LPAR5: variants seen among roughly 807,000 people sequenced by gnomAD.
The protein encoded by LPAR5 is lysophosphatidic acid receptor 5.
For synonymous variants in LPAR5, 271 were observed against 261.6 expected, an observed-to-expected ratio of 1.04 and a Z score of -0.35; for missense variants, 544 against 521.8, an observed-to-expected ratio of 1.04 and a Z score of -0.41.
rs552624705 is a variant in LPAR5 at position 6,619,581 on chromosome 12, T to C, written c.*549A>G. On this transcript the variant is annotated 3_prime_UTR_variant, in exon 2 of 2. Coordinates refer to ENST00000329858, the MANE Select transcript of LPAR5 (RefSeq NM_020400.6). ...CCAAGTCTAAATTGTCACAAGTCAC[T>C]ATGCGAGAAAGAATGTAGTTCTGTC... 4.2e-4 allele frequency: 82 copies of C among 193,962 alleles called. 1 individual carries two copies. Among genetic ancestry groups the C allele is most frequent in the Admixed American group, 9.8e-4 (18 of 18,318 alleles). The allele number at this position is 193,962 out of a possible 1,614,324, so 12.0% of individuals were successfully genotyped here.
At position 6,620,503 on chromosome 12, in the gene LPAR5, G is replaced by A; in HGVS notation, c.746C>T (p.Pro249Leu). 6.3e-7 allele frequency: 1 copy of A among 1,586,176 alleles called. No homozygotes were observed. Among genetic ancestry groups the A allele is most frequent in the Non-Finnish European group, 8.6e-7 (1 of 1,166,452 alleles). Residue 249 changes from proline (P) to leucine (L), a missense_variant, in exon 2 of 2, where the codon CCC (proline) becomes CTC (leucine). Coordinates refer to ENST00000329858, the MANE Select transcript of LPAR5 (RefSeq NM_020400.6). This position sits in a 1 kb window ranked among gnomAD's most constrained non-coding sequence, Gnocchi z 6.8. ...GTAGACCGCCAGCGTGCTGTTGTAG[G>A]GCACGAAGCACAGCAGGAAGATGAC... ...NLVIFLLCFV[P>L]YNSTLAVYGL...
chr12:6,635,206 G>A (rs970492242), intron 1 of LPAR5, among the ~76,000 whole-genome samples: 5 of 152,138 alleles, frequency 3.3e-5, no homozygotes, highest in Admixed American at 1.3e-4. Context: ...GAAGAGGTAG[G>A]CCCCATCCTC....
At position 6,620,705 on chromosome 12, in the gene LPAR5, C is replaced by T; in HGVS notation, c.544G>A (p.Glu182Lys). 6.3e-7 allele frequency: 1 copy of T among 1,578,906 alleles called. No homozygotes were observed. Among genetic ancestry groups the T allele is most frequent in the South Asian group, 1.1e-5 (1 of 87,026 alleles). Residue 182 changes from glutamate (E) to lysine (K), a missense_variant, in exon 2 of 2, where the codon GAG becomes AAG. Glu to Lys is a moderately conservative substitution (Grantham distance 56, BLOSUM62 1). Coordinates refer to ENST00000329858, the MANE Select transcript of LPAR5 (RefSeq NM_020400.6). The surrounding 1 kb of genome is among the most constrained non-coding windows in gnomAD (Gnocchi z 6.8). ...VRLCFESFSD[E>K]LWKGRLLPLV... ...GGCAGCAGCCTGCCTTTCCACAGCT[C>T]GTCGCTGAAGCTCTCGAAGCATAGG...
Position 6,620,634 on chromosome 12 carries a change from C to A in LPAR5, c.615G>T (p.Ala205=), listed in dbSNP as rs1163337085. ...AEALGFLLPL[A]AVVYSSGRVF... ...CTCGGCCCGACGAGTAGACCACCGC[C>A]GCCAGGGGCAGCAGGAAGCCCAGCG... Residue 205 remains alanine, a synonymous_variant, in exon 2 of 2, where the codon GCG becomes GCT. Coordinates refer to ENST00000329858, the MANE Select transcript of LPAR5 (RefSeq NM_020400.6). The surrounding 1 kb of genome is among the most constrained non-coding windows in gnomAD (Gnocchi z 6.8). The A allele has an allele frequency of 1.9e-6, 3 of 1,553,434 alleles. No individual in the cohort carries two copies. Among genetic ancestry groups the A allele is most frequent in the Non-Finnish European group, 2.6e-6 (3 of 1,149,256 alleles).
chr12:6,628,938 C>T (rs1462224408), intron 1 of LPAR5, among the ~76,000 whole-genome samples: 2 of 151,124 alleles, frequency 1.3e-5, no homozygotes, highest in African/African-American at 4.9e-5. Context: ...CGGCCAATTT[C>T]TGTATTTTTA....
At chr12:6,630,554 G>A (rs896674592) in intron 1 of LPAR5, among the ~76,000 whole-genome samples, 1 of 139,810 alleles carries the variant, frequency 7.2e-6, no homozygotes, top group Non-Finnish European at 1.5e-5. Flanking sequence ...CCAGGTTCAA[G>A]CAATTCTCTT....
In LPAR5 at chr12:6,620,270, C is replaced by T. The variant is rs1948877911; in HGVS notation, c.979G>A (p.Ala327Thr). ...ARTSATNGTRAALAQSERSAV... is the reference protein window; with the variant it reads ...ARTSATNGTRTALAQSERSAV... ...GACCTTTCGGATTGCGCGAGCGCCG[C>T]CCGCGTCCCGTTGGTGGCCGAGGTC... The change falls in exon 2 of 2, where the codon GCG becomes ACG. Residue 327 changes from alanine (A) to threonine (T), a missense_variant. Physicochemically the swap from Ala to Thr is moderately conservative, Grantham distance 58. Transcript: ENST00000329858. The surrounding 1 kb of genome is among the most constrained non-coding windows in gnomAD (Gnocchi z 6.8). 2 of 1,606,158 alleles carry T rather than the reference C, an allele frequency of 1.2e-6. No individual in the cohort carries two copies. Among genetic ancestry groups the T allele is most frequent in the Non-Finnish European group, 1.7e-6 (2 of 1,176,362 alleles).
At position 6,619,894 on chromosome 12, in the gene LPAR5, T is replaced by C; in HGVS notation, c.*236A>G. On this transcript the variant is annotated 3_prime_UTR_variant, in exon 2 of 2. Coordinates refer to ENST00000329858, the MANE Select transcript of LPAR5 (RefSeq NM_020400.6). ...TGCACGGGTGGGCTCTCTGCATCAC[T>C]TCCCACCGCTGGAGAAGGGGTGCTC... 2 of 704,882 alleles carry C rather than the reference T, an allele frequency of 2.8e-6. No individual in the cohort carries two copies. Among genetic ancestry groups the C allele is most frequent in the Non-Finnish European group, 5.1e-6 (2 of 390,620 alleles). 43.7% of individuals were successfully genotyped at this position (704,882 alleles called of 1,614,324 possible). A position where few individuals can be genotyped will look rare whatever the true frequency, so the allele number is the denominator to read the frequency against.
rs771153972 is a variant in LPAR5 at position 6,620,440 on chromosome 12, G to A, written c.809C>T (p.Pro270Leu). 34 of 1,599,378 alleles carry A rather than the reference G, an allele frequency of 2.1e-5. No individual in the cohort carries two copies. The highest frequency in any genetic ancestry group is 1.7e-4 in the Middle Eastern group (1 of 6,060). The change falls in exon 2 of 2, where the codon CCT becomes CTT. Residue 270 changes from proline (P) to leucine (L), a missense_variant. Transcript: ENST00000329858. The surrounding 1 kb of genome is among the most constrained non-coding windows in gnomAD (Gnocchi z 6.8). ...LRSKLVAASV[P>L]ARDRVRGVLM... Reference sequence around the variant, plus strand: ...CACCCCGCGCACGCGATCGCGGGCAGGCACGCTGGCCGCCACCAGCTTGCT... The same window carrying A: ...CACCCCGCGCACGCGATCGCGGGCAAGCACGCTGGCCGCCACCAGCTTGCT...
At chr12:6,627,191 T>C (rs535975047) in intron 1 of LPAR5, among the ~76,000 whole-genome samples, 1 of 152,304 alleles carries the variant, frequency 6.6e-6, no homozygotes. Context: ...TACACATAAA[T>C]ATGCCTCCTT....
intron 1 of LPAR5, among the ~76,000 whole-genome samples, chr12:6,625,349 C>T (rs909236072): frequency 2.7e-5 from 4 of 148,500 alleles, no homozygotes; most frequent in East Asian, 2.0e-4. Flanking sequence ...GGCATGAACC[C>T]GGGAGGCGGA....
chr12:6,626,948 C>T (rs931316016), intron 1 of LPAR5, among the ~76,000 whole-genome samples: 1 of 152,168 alleles, frequency 6.6e-6, no homozygotes, highest in Non-Finnish European at 1.5e-5. Flanking sequence ...GGGCTGTGGA[C>T]CATGGCTTAT....
intron 1 of LPAR5, among the ~76,000 whole-genome samples, chr12:6,633,107 C>T (rs1948990632): frequency 6.6e-6 from 1 of 152,224 alleles, no homozygotes; most frequent in East Asian, 1.9e-4. Context: ...AGGTGGTCTA[C>T]AGCTCAATAA....
intron 1 of LPAR5, among the ~76,000 whole-genome samples, chr12:6,625,566 A>G (rs558730140): frequency 6.9e-6 from 1 of 144,606 alleles, no homozygotes; most frequent in South Asian, 2.2e-4. Context: ...CTGAAAATAC[A>G]AAAAAATTTA....
rs1324049409 is a variant in LPAR5, at chr12:6,620,586, G to C, written c.663C>G (p.Pro221=). Residue 221 remains proline, a synonymous_variant, in exon 2 of 2, where the codon CCC becomes CCG. Transcript: ENST00000329858. The surrounding 1 kb of genome is among the most constrained non-coding windows in gnomAD (Gnocchi z 6.8). Reference sequence around the variant, plus strand: ...GCCGCCGCTGGCTCTGCGTGGCGTCGGGGCGCGCCAGCGTCCAGAAGACTC... The same window carrying C: ...GCCGCCGCTGGCTCTGCGTGGCGTCCGGGCGCGCCAGCGTCCAGAAGACTC... ...SGRVFWTLAR[P]DATQSQRRRK... 26 of 1,551,488 alleles carry C rather than the reference G, an allele frequency of 1.7e-5. No homozygotes were observed. The highest frequency in any genetic ancestry group is 1.6e-4 in the Admixed American group (8 of 51,032).
chr12:6,632,072 C>T (rs574663525), intron 1 of LPAR5, among the ~76,000 whole-genome samples: 1 of 152,076 alleles, frequency 6.6e-6, no homozygotes, highest in African/African-American at 2.4e-5. Flanking sequence ...CCCGGATTCA[C>T]GCGATTCTCC....
chr12:6,634,823 C>T (rs181322416), intron 1 of LPAR5, among the ~76,000 whole-genome samples: 87 of 149,138 alleles, frequency 5.8e-4, no homozygotes, highest in Middle Eastern at 3.6e-3. Context: ...GGCACCGTGG[C>T]TTATGCCTGT....
intron 1 of LPAR5, among the ~76,000 whole-genome samples, chr12:6,628,460 T>C (rs1442752066): frequency 6.6e-6 from 1 of 151,988 alleles, no homozygotes; most frequent in African/African-American, 2.4e-5. Context: ...CCTTCCTTCC[T>C]TCCTTTTCTT....
chr12:6,625,987 T>C (rs1267116037), intron 1 of LPAR5, among the ~76,000 whole-genome samples: 1 of 151,862 alleles, frequency 6.6e-6, no homozygotes. Flanking sequence ...TTTTTGTAGA[T>C]GGCCAGGGGC....
Sources: allele counts gnomAD v4.1 joint callset (sites outside exome capture counted in the v4.1 genomes callset), GRCh38; gene constraint gnomAD v4.1.1; non-coding constraint Gnocchi (gnomAD v3.1); transcripts MANE v1.5; gene names NCBI Gene and HGNC (gene_info 2026-07-23, HGNC 2026-07-21).